Variants in DLG2 observed in about 807,000 individuals in gnomAD.
The protein encoded by DLG2 is discs large MAGUK scaffold protein 2.
In DLG2, 45 loss-of-function variants were observed where a neutral mutation model predicts 132.5. That is an observed-to-expected ratio of 0.34 (90% confidence interval 0.27 to 0.44). The LOEUF is 0.44. Ranked by LOEUF, DLG2 falls within the 20% of genes least tolerant of loss-of-function variation. The probability of loss-of-function intolerance (pLI) is 1.00; values close to 1 mark genes in which losing one functional copy is unlikely to be tolerated. For missense variants in DLG2, 1,045 were observed against 1,196.9 expected, an observed-to-expected ratio of 0.87 and a Z score of 1.87; for synonymous variants, 424 against 419.6, an observed-to-expected ratio of 1.01 and a Z score of -0.13.
intron 6 of DLG2, among the ~76,000 whole-genome samples, chr11:84,657,498 T>C (rs1200944316): frequency 6.6e-6 from 1 of 152,148 alleles, no homozygotes; most frequent in Non-Finnish European, 1.5e-5. Context: ...GAAACAGTTT[T>C]GTGGAAGACA....
intron 3 of DLG2, among the ~76,000 whole-genome samples, chr11:85,559,444 C>T (rs937591101): frequency 5.9e-5 from 9 of 151,624 alleles, no homozygotes; most frequent in East Asian, 5.8e-4. Flanking sequence ...CCACTGCGCC[C>T]GGCCACATGG....
At chr11:84,466,163 C>T (rs2154487778) in intron 7 of DLG2, among the ~76,000 whole-genome samples, 1 of 151,200 alleles carries the variant, frequency 6.6e-6, no homozygotes. Context: ...GTACCTCACA[C>T]CATACCCTAA....
At chr11:85,316,369 G>A (rs2080677252) in intron 3 of DLG2, among the ~76,000 whole-genome samples, 1 of 151,976 alleles carries the variant, frequency 6.6e-6, no homozygotes. Context: ...AGTTATTTGA[G>A]CATGAGATGG....
At chr11:85,018,568 A>C (rs925211493) in intron 6 of DLG2, among the ~76,000 whole-genome samples, 1 of 152,160 alleles carries the variant, frequency 6.6e-6, no homozygotes, top group Non-Finnish European at 1.5e-5. Flanking sequence ...CTCACATGGG[A>C]AAGTTCTTTC....
intron 15 of DLG2, among the ~76,000 whole-genome samples, chr11:83,885,761 T>G (rs1371875807): frequency 6.6e-6 from 1 of 152,166 alleles, no homozygotes; most frequent in Non-Finnish European, 1.5e-5. Flanking sequence ...TGGCAGAAAC[T>G]CTACAAGCCA....
chr11:84,004,293 C>A (rs2094480520), intron 11 of DLG2, among the ~76,000 whole-genome samples: 1 of 152,038 alleles, frequency 6.6e-6, no homozygotes. Flanking sequence ...ATATGCAAAT[C>A]AACAAACATA....
At chr11:83,601,115 T>C (rs1406954019) in intron 19 of DLG2, among the ~76,000 whole-genome samples, 1 of 152,222 alleles carries the variant, frequency 6.6e-6, no homozygotes, top group Admixed American at 6.5e-5. Context: ...ATCTGGCACA[T>C]AGCAGATGCT....
At chr11:85,490,224 T>A (rs1330951601) in intron 3 of DLG2, among the ~76,000 whole-genome samples, 1 of 151,838 alleles carries the variant, frequency 6.6e-6, no homozygotes, top group Non-Finnish European at 1.5e-5. Context: ...TTGAAACAAA[T>A]GAAAATGAAA....
intron 5 of DLG2, among the ~76,000 whole-genome samples, chr11:85,146,717 G>A (rs962304524): frequency 2.0e-5 from 3 of 152,156 alleles, no homozygotes; most frequent in African/African-American, 4.8e-5. Context: ...ACTTCCTTGG[G>A]TGTGACAACT....
chr11:84,063,712 C>T (rs933365582), intron 10 of DLG2, among the ~76,000 whole-genome samples: 2 of 152,092 alleles, frequency 1.3e-5, no homozygotes, highest in African/African-American at 4.8e-5. Flanking sequence ...TGGAACCAAC[C>T]CAAATGTCCA....
intron 3 of DLG2, among the ~76,000 whole-genome samples, chr11:85,286,809 T>C (rs1249062323): frequency 6.6e-6 from 1 of 151,990 alleles, no homozygotes; most frequent in African/African-American, 2.4e-5. Context: ...AAGAAGCTCC[T>C]TGGAGAAATG....
At chr11:84,740,221 C>G (rs999410017) in intron 6 of DLG2, among the ~76,000 whole-genome samples, 1 of 151,858 alleles carries the variant, frequency 6.6e-6, no homozygotes, top group Non-Finnish European at 1.5e-5. Flanking sequence ...TTGGAAGCCC[C>G]CGGGGGCAGC....
intron 18 of DLG2, chr11:83,648,150 C>T (rs1164690816): frequency 6.6e-6 from 1 of 152,076 alleles, no homozygotes; most frequent in East Asian, 1.9e-4. Context: ...CAAAGGACTC[C>T]CTGTTGATTA....
At chr11:85,555,624 T>C (rs922554672) in intron 3 of DLG2, among the ~76,000 whole-genome samples, 2 of 151,870 alleles carry the variant, frequency 1.3e-5, no homozygotes, top group Admixed American at 6.6e-5. Context: ...AGATAACCAA[T>C]TGTCTTCTTG....
chr11:84,930,657 G>A (rs541767374), intron 6 of DLG2, among the ~76,000 whole-genome samples: 2 of 152,078 alleles, frequency 1.3e-5, no homozygotes, highest in South Asian at 2.1e-4. Flanking sequence ...AACTTTTACC[G>A]CAAAATAAAA....
intron 18 of DLG2, among the ~76,000 whole-genome samples, chr11:83,756,449 A>G (rs2093649960): frequency 6.6e-6 from 1 of 151,536 alleles, no homozygotes; most frequent in Non-Finnish European, 1.5e-5. Flanking sequence ...CAAACAAACA[A>G]AACAATAAGA....
At chr11:85,041,778 G>C (rs1240565919) in intron 6 of DLG2, among the ~76,000 whole-genome samples, 1 of 151,906 alleles carries the variant, frequency 6.6e-6, no homozygotes, top group Non-Finnish European at 1.5e-5. Flanking sequence ...CGATAGGGAA[G>C]AGAAAGGAAG....
intron 6 of DLG2, among the ~76,000 whole-genome samples, chr11:84,740,718 A>C (rs994957985): frequency 1.3e-4 from 20 of 152,126 alleles, no homozygotes; most frequent in Admixed American, 4.6e-4. Context: ...ACAGCAGGGA[A>C]ACCAACCCCT....
At chr11:84,681,406 T>G (rs1434378465) in intron 6 of DLG2, among the ~76,000 whole-genome samples, 4 of 152,206 alleles carry the variant, frequency 2.6e-5, no homozygotes, top group Non-Finnish European at 5.9e-5. Context: ...GCCACAAATC[T>G]ACTAACCCAG....
Sources: gnomAD v4.1 joint callset for allele counts (sites outside exome capture counted in the v4.1 genomes callset) on GRCh38, gnomAD v4.1.1 for gene constraint, MANE v1.5 for transcripts, NCBI Gene and HGNC (gene_info 2026-07-23, HGNC 2026-07-21) for gene names.